The following TNPO3 variants were observed in gnomAD, a reference collection of about 807,000 sequenced individuals.
TNPO3 encodes the protein transportin 3.
A neutral mutation model predicts 122.8 loss-of-function variants in TNPO3; 65 were observed. That is an observed-to-expected ratio of 0.53 (90% CI 0.43 to 0.65). The LOEUF (loss-of-function observed/expected upper bound fraction) is 0.65, where lower values mean the gene tolerates loss of function less well. Ranked by LOEUF, TNPO3 falls within the 30% of genes least tolerant of loss-of-function variation. The pLI is 0.00. For missense variants in TNPO3, 850 were observed against 1,136.7 expected, an observed-to-expected ratio of 0.75 and a Z score of 3.63; for synonymous variants, 372 against 411.2, an observed-to-expected ratio of 0.90 and a Z score of 1.15.
intron 1 of TNPO3, among the ~76,000 whole-genome samples, chr7:129,051,142 T>C (rs1258959314): frequency 2.4e-5 from 2 of 83,440 alleles, no homozygotes; most frequent in Non-Finnish European, 6.8e-5. Context: ...GAAAACAAAA[T>C]GTTAAAAAAA....
At chr7:129,032,373 AAC>A (rs1294566378) in intron 1 of TNPO3, among the ~76,000 whole-genome samples, 1 of 152,216 alleles carries the variant, frequency 6.6e-6, no homozygotes, top group Admixed American at 6.5e-5. Context: ...AGGCAAGAAA[AAC>A]AAAGGACATC....
intron 1 of TNPO3, among the ~76,000 whole-genome samples, chr7:129,052,442 T>C (rs1415076198): frequency 1.3e-5 from 2 of 152,240 alleles, no homozygotes; most frequent in East Asian, 3.8e-4. Context: ...CACACCACTA[T>C]ACCTAAATCT....
At chr7:128,978,137 G>A (rs999395746) in intron 16 of TNPO3, among the ~76,000 whole-genome samples, 2 of 152,166 alleles carry the variant, frequency 1.3e-5, no homozygotes, top group Non-Finnish European at 2.9e-5. Context: ...CTGGCATCCT[G>A]GCCCTGCTCT....
chr7:129,042,558 G>A lies in TNPO3; in HGVS notation c.120+12093C>T, dbSNP rs564295258. Among the ~76,000 whole-genome samples, 20 of 152,200 alleles carry A rather than the reference G, an allele frequency of 1.3e-4. No homozygotes were observed. In the East Asian group the frequency reaches 3.9e-3, roughly 29 times the overall value. On this transcript the variant is annotated intron_variant, in intron 1 of 22. Coordinates refer to ENST00000265388, the MANE Select transcript of TNPO3 (RefSeq NM_012470.4). ...TCAAACAGAAAAAGTAATTTTTTAA[G>A]TCATCAACTACCTTAACTTCTTTTA...
chr7:128,966,618 A>G (rs1423005770), intron 21 of TNPO3, among the ~76,000 whole-genome samples: 1 of 152,248 alleles, frequency 6.6e-6, no homozygotes, highest in Non-Finnish European at 1.5e-5. Context: ...ATGTCTACTA[A>G]TAGAGGCATT....
chr7:128,956,645 C>A (rs972775613), intron 22 of TNPO3, among the ~76,000 whole-genome samples: 2 of 152,082 alleles, frequency 1.3e-5, no homozygotes, highest in African/African-American at 4.8e-5. Flanking sequence ...TCCAAAATCC[C>A]AAAAAATCCA....
At chr7:128,999,197 ATGTT>A (rs1277559549) in intron 7 of TNPO3, among the ~76,000 whole-genome samples, 1 of 152,178 alleles carries the variant, frequency 6.6e-6, no homozygotes. Flanking sequence ...ATTTCATTGA[ATGTT>A]TGAGATTAGA....
intron 1 of TNPO3, among the ~76,000 whole-genome samples, chr7:129,020,547 C>T (rs1410831611): frequency 6.6e-6 from 1 of 152,118 alleles, no homozygotes; most frequent in African/African-American, 2.4e-5. Flanking sequence ...CTCAAGAGAT[C>T]CTCCTGCCTC....
chr7:129,005,634 G>T (rs1043088911), intron 4 of TNPO3, among the ~76,000 whole-genome samples: 14 of 151,930 alleles, frequency 9.2e-5, no homozygotes, highest in African/African-American at 3.4e-4. Flanking sequence ...GTGTGAACAT[G>T]TGTCTGCTTC....
chr7:129,026,268 A>G (rs1584581062), intron 1 of TNPO3, among the ~76,000 whole-genome samples: 1 of 152,318 alleles, frequency 6.6e-6, no homozygotes, highest in African/African-American at 2.4e-5. Context: ...CAGAAGCAAA[A>G]AAACAAAACA....
intron 22 of TNPO3, among the ~76,000 whole-genome samples, chr7:128,955,853 G>A (rs1363957371): frequency 1.3e-5 from 2 of 152,240 alleles, no homozygotes; most frequent in African/African-American, 4.8e-5. Flanking sequence ...GGTTCAAAGT[G>A]AGGACTCTGG....
At chr7:128,980,145 G>C in intron 14 of TNPO3, 114 bp from the exon 15 acceptor site, 1 of 893,052 alleles carries the variant, frequency 1.1e-6, no homozygotes, top group Non-Finnish European at 1.9e-6. Context: ...AAGAAAACCA[G>C]ATGATAAAGT....
chr7:129,024,634 A>C (rs1218740669), intron 1 of TNPO3, among the ~76,000 whole-genome samples: 4 of 152,140 alleles, frequency 2.6e-5, no homozygotes, highest in African/African-American at 9.7e-5. Flanking sequence ...TGCCGGAAAA[A>C]CAAGGGAGAG....
intron 1 of TNPO3, among the ~76,000 whole-genome samples, chr7:129,053,939 A>G (rs1019807111): frequency 4.6e-5 from 7 of 152,198 alleles, no homozygotes; most frequent in African/African-American, 1.7e-4. Context: ...CACCGGATGC[A>G]CACACAGTTT....
chr7:128,958,713 G>A (rs192112591), intron 21 of TNPO3, among the ~76,000 whole-genome samples: 6 of 152,318 alleles, frequency 3.9e-5, no homozygotes, highest in African/African-American at 7.2e-5. Flanking sequence ...TCCATGACTT[G>A]ATTCAACAGA....
intron 1 of TNPO3, among the ~76,000 whole-genome samples, chr7:129,054,178 C>T (rs558074327): frequency 8.9e-4 from 135 of 152,290 alleles, no homozygotes; most frequent in African/African-American, 2.9e-3. Context: ...AGAACAGACT[C>T]AAACTGGAGT....
At position 128,975,801 on chromosome 7, in the gene TNPO3, T is replaced by A; in HGVS notation, c.2178+18A>T. The A allele has an allele frequency of 6.5e-7, 1 of 1,534,008 alleles. No individual in the cohort carries two copies. Among genetic ancestry groups the A allele is most frequent in the South Asian group, 1.1e-5 (1 of 89,358 alleles). On this transcript the variant is annotated intron_variant, in intron 17 of 22. Coordinates refer to ENST00000265388, the MANE Select transcript of TNPO3 (RefSeq NM_012470.4). ...CCCTCTAGGCCTGATGCGTCTACAC[T>A]CCTCATGGAAAAGATACCTGGAGCA... is the stretch of plus-strand genomic sequence containing the variant.
chr7:128,958,057 G>A (rs947367755), intron 21 of TNPO3, among the ~76,000 whole-genome samples: 5 of 150,102 alleles, frequency 3.3e-5, no homozygotes, highest in East Asian at 2.0e-4. Flanking sequence ...TCATTCTACT[G>A]TATCTGTCTT....
intron 4 of TNPO3, among the ~76,000 whole-genome samples, chr7:129,010,855 C>A (rs974463967): frequency 6.6e-6 from 1 of 151,886 alleles, no homozygotes; most frequent in African/African-American, 2.4e-5. Context: ...TTTGTAATCT[C>A]ATCATTAAGG....
Sources: gnomAD v4.1 joint callset for allele counts (sites outside exome capture counted in the v4.1 genomes callset) on GRCh38, gnomAD v4.1.1 for gene constraint, MANE v1.5 for transcripts, NCBI Gene and HGNC (gene_info 2026-07-23, HGNC 2026-07-21) for gene names.